The following SAMD5 variants were observed in gnomAD, a reference collection of about 807,000 sequenced individuals.
SAMD5 encodes sterile alpha motif domain containing 5.
SAMD5 carries 13 observed loss-of-function variants against 11.3 expected under a neutral mutation model. That is an observed-to-expected ratio of 1.15 (90% CI 0.75 to 1.83). The LOEUF (loss-of-function observed/expected upper bound fraction) is 1.83. Among genes scored for constraint, SAMD5 ranks in the 40% most tolerant of loss-of-function variants. SAMD5 has a pLI of 0.00. For missense variants in SAMD5, 255 were observed against 239.1 expected, an observed-to-expected ratio of 1.07 and a Z score of -0.44; for synonymous variants, 129 against 111.3, an observed-to-expected ratio of 1.16 and a Z score of -1.00.
intron 1 of SAMD5, among the ~76,000 whole-genome samples, chr6:147,586,770 A>G (rs887693893): frequency 2.0e-5 from 3 of 151,992 alleles, no homozygotes; most frequent in African/African-American, 7.2e-5. Flanking sequence ...AAATAAAGTA[A>G]AAGACAATTA....
chr6:147,635,855 A>G lies in SAMD5; in HGVS notation c.163-101462A>G, dbSNP rs117470730. On this transcript the variant is annotated intron_variant, in intron 1 of 1. Coordinates refer to the SAMD5 transcript ENST00000566741. Reference sequence around the variant, plus strand: ...CCAACACAGCTGACTTTCAACCTGAAGGTCACTCAAATCAGCTCAACTATG... The same window carrying G: ...CCAACACAGCTGACTTTCAACCTGAGGGTCACTCAAATCAGCTCAACTATG... Among the ~76,000 whole-genome samples the G allele has an allele frequency of 2.8e-3, 421 of 152,348 alleles. 2 individuals are homozygous for G. Among genetic ancestry groups the G allele is most frequent in the South Asian group, 8.1e-3 (39 of 4,830 alleles).
At chr6:147,671,889 ATTTT>A (rs56865442) in intron 1 of SAMD5, among the ~76,000 whole-genome samples, 4 of 98,070 alleles carry the variant, frequency 4.1e-5, no homozygotes, top group African/African-American at 1.6e-4. Flanking sequence ...CTTTTTCAGG[ATTTT>A]TTTTTTTTTT....
the SAMD5 span, among the ~76,000 whole-genome samples, chr6:147,874,993 C>T: frequency 3.3e-5 from 5 of 151,970 alleles, no homozygotes; most frequent in Non-Finnish European, 7.4e-5. Flanking sequence ...CTCTTAATTG[C>T]CTATTTCCGC....
chr6:147,648,684 A>C, intron 1 of SAMD5, among the ~76,000 whole-genome samples: 1 of 152,190 alleles, frequency 6.6e-6, no homozygotes, highest in South Asian at 2.1e-4. Context: ...TGTCTAAAAT[A>C]TCTCTGTTCA....
At chr6:147,704,301 C>T (rs1791296302) in intron 1 of SAMD5, among the ~76,000 whole-genome samples, 1 of 151,440 alleles carries the variant, frequency 6.6e-6, no homozygotes, top group Admixed American at 6.6e-5. Flanking sequence ...CAGGCGCCCT[C>T]AACATTTAAT....
chr6:147,661,238 A>C (rs983793469), intron 1 of SAMD5, among the ~76,000 whole-genome samples: 1 of 152,182 alleles, frequency 6.6e-6, no homozygotes, highest in African/African-American at 2.4e-5. Flanking sequence ...TTTACATCTG[A>C]GACTTCACCT....
the SAMD5 span, among the ~76,000 whole-genome samples, chr6:147,876,079 CGGGT>C: frequency 6.6e-6 from 1 of 152,134 alleles, no homozygotes; most frequent in Non-Finnish European, 1.5e-5. Flanking sequence ...GAGGAGGAAG[CGGGT>C]CACTTTCACA....
At chr6:147,800,024 G>A in the SAMD5 span, among the ~76,000 whole-genome samples, 35 of 151,982 alleles carry the variant, frequency 2.3e-4, no homozygotes, top group African/African-American at 8.4e-4. Context: ...ATGTCCTCCC[G>A]TAGCTCAGAG....
the SAMD5 span, among the ~76,000 whole-genome samples, chr6:147,852,641 C>A: frequency 5.3e-5 from 8 of 152,088 alleles, no homozygotes; most frequent in African/African-American, 1.9e-4. Context: ...TTGAAAAATA[C>A]CCGCAAAGAA....
intron 1 of SAMD5, among the ~76,000 whole-genome samples, chr6:147,655,788 T>G (rs1039921472): frequency 6.6e-6 from 1 of 152,150 alleles, no homozygotes; most frequent in African/African-American, 2.4e-5. Context: ...GTTAATCATA[T>G]AATACAATGA....
At chr6:147,814,091 T>G in the SAMD5 span, among the ~76,000 whole-genome samples, 1 of 152,320 alleles carries the variant, frequency 6.6e-6, no homozygotes, top group South Asian at 2.1e-4. Flanking sequence ...TATATATAGT[T>G]CATCTATCTT....
intron 1 of SAMD5, among the ~76,000 whole-genome samples, chr6:147,660,236 A>G (rs1790628318): frequency 1.3e-5 from 2 of 152,158 alleles, no homozygotes; most frequent in Admixed American, 6.5e-5. Flanking sequence ...TTCATCTCCT[A>G]TATCTCTTCA....
intron 1 of SAMD5, among the ~76,000 whole-genome samples, chr6:147,675,311 T>G (rs1304453573): frequency 1.3e-5 from 2 of 152,180 alleles, no homozygotes; most frequent in Non-Finnish European, 2.9e-5. Context: ...TGGGCTTCCT[T>G]TAGAATTGTA....
intron 1 of SAMD5, among the ~76,000 whole-genome samples, chr6:147,663,283 C>G (rs1368055680): frequency 6.6e-6 from 1 of 152,036 alleles, no homozygotes; most frequent in Non-Finnish European, 1.5e-5. Flanking sequence ...AACACATGGA[C>G]ACATAGAGGG....
the SAMD5 span, among the ~76,000 whole-genome samples, chr6:147,791,699 TA>T: frequency 6.6e-6 from 1 of 152,210 alleles, no homozygotes; most frequent in Non-Finnish European, 1.5e-5. Context: ...CCTTAATTTT[TA>T]AAAAAATTTT....
At chr6:147,765,390 C>T in the SAMD5 span, among the ~76,000 whole-genome samples, 1 of 152,126 alleles carries the variant, frequency 6.6e-6, no homozygotes, top group Non-Finnish European at 1.5e-5. Flanking sequence ...GGGAATAAAA[C>T]ATCTTATAGG....
chr6:147,720,564 GAA>G (rs980406999), intron 1 of SAMD5, among the ~76,000 whole-genome samples: 5 of 151,916 alleles, frequency 3.3e-5, no homozygotes, highest in Non-Finnish European at 7.4e-5. Context: ...CTTTCTCACA[GAA>G]AAAATGAGGA....
intron 1 of SAMD5, among the ~76,000 whole-genome samples, chr6:147,628,285 T>C (rs1046313468): frequency 2.6e-5 from 4 of 152,210 alleles, no homozygotes; most frequent in Non-Finnish European, 5.9e-5. Context: ...TAGATCATTA[T>C]TGTTCATTTT....
chr6:147,791,645 T>C, the SAMD5 span, among the ~76,000 whole-genome samples: 1 of 152,226 alleles, frequency 6.6e-6, no homozygotes, highest in Admixed American at 6.5e-5. Context: ...CATTGTATTT[T>C]TGTATTTCTC....
Sources: gnomAD v4.1 joint callset for allele counts (sites outside exome capture counted in the v4.1 genomes callset) on GRCh38, gnomAD v4.1.1 for gene constraint, MANE v1.5 for transcripts, NCBI Gene and HGNC (gene_info 2026-07-23, HGNC 2026-07-21) for gene names.